MAP1B: variants seen among roughly 807,000 people sequenced by gnomAD.
MAP1B encodes the protein microtubule-associated protein 1B.
In MAP1B, 12 loss-of-function variants were observed where a neutral mutation model predicts 176.1. That is an observed-to-expected ratio of 0.07 (90% CI 0.04 to 0.11). MAP1B has a LOEUF of 0.11. MAP1B is among the 10% of genes least tolerant of loss of function. MAP1B has a pLI of 1.00. For missense variants in MAP1B, 2,523 were observed against 2,990.5 expected, an observed-to-expected ratio of 0.84 and a Z score of 3.65; for synonymous variants, 1,044 against 1,135.0, an observed-to-expected ratio of 0.92 and a Z score of 1.61.
intron 2 of MAP1B, among the ~76,000 whole-genome samples, chr5:72,123,482 TTTTTTTTTTA>T (rs1561291655): frequency 7.0e-6 from 1 of 142,862 alleles, no homozygotes; most frequent in Non-Finnish European, 1.5e-5. Flanking sequence ...GTTTTTTTTG[TTTTTTTTTTA>T]GTTTTTTTTG....
intron 2 of MAP1B, among the ~76,000 whole-genome samples, chr5:72,120,474 G>C (rs1745507645): frequency 6.6e-6 from 1 of 150,622 alleles, no homozygotes; most frequent in East Asian, 2.0e-4. Flanking sequence ...GCCCAGGCTG[G>C]AGTGCAGTGG....
intron 2 of MAP1B, among the ~76,000 whole-genome samples, chr5:72,144,725 T>C (rs1245477736): frequency 6.6e-6 from 1 of 152,224 alleles, no homozygotes; most frequent in Non-Finnish European, 1.5e-5. Context: ...CTGATGCTGC[T>C]GGATAAAGAA....
intron 1 of MAP1B, among the ~76,000 whole-genome samples, chr5:72,108,569 G>C (rs938439672): frequency 3.3e-5 from 5 of 152,204 alleles, no homozygotes; most frequent in Non-Finnish European, 7.3e-5. Flanking sequence ...GCGGTACGCC[G>C]GGGACCCTGG....
chr5:72,182,912 A>C (rs530787833), intron 2 of MAP1B, among the ~76,000 whole-genome samples: 83 of 152,254 alleles, frequency 5.5e-4, no homozygotes, highest in African/African-American at 1.9e-3. Context: ...CCCATTGTCC[A>C]GGGAGGGGGA....
At chr5:72,183,284 T>A (rs991216404) in intron 2 of MAP1B, among the ~76,000 whole-genome samples, 4 of 152,218 alleles carry the variant, frequency 2.6e-5, no homozygotes, top group Non-Finnish European at 5.9e-5. Context: ...GGCTAATTGT[T>A]AGCTGGGGTT....
chr5:72,161,968 A>AAAAAAAAAAG (rs1357325306), intron 2 of MAP1B, among the ~76,000 whole-genome samples: 113 of 150,702 alleles, frequency 7.5e-4, no homozygotes, highest in Non-Finnish European at 1.4e-3. Flanking sequence ...AAAAAAAAAA[A>AAAAAAAAAAG]AAAAAAAAGA....
chr5:72,158,006 A>ATTTTTT (rs33987772), intron 2 of MAP1B, among the ~76,000 whole-genome samples: 1 of 104,320 alleles, frequency 9.6e-6, no homozygotes, highest in Non-Finnish European at 2.0e-5. Flanking sequence ...CACCTGGCTA[A>ATTTTTT]TTTTTTTTTT....
chr5:72,186,799 G>A lies in MAP1B; in HGVS notation c.510+45G>A, dbSNP rs774492289. The A allele has an allele frequency of 1.2e-6, 2 of 1,608,992 alleles. No individual in the cohort carries two copies. Among genetic ancestry groups the A allele is most frequent in the Non-Finnish European group, 1.7e-6 (2 of 1,178,270 alleles). ...TATCTGTGCTTCTAGTGGCTTGGTT[G>A]CCTTAGGTTCCTCTTTGAGAGCACT... On this transcript the variant is annotated intron_variant, in intron 4 of 6. Coordinates refer to ENST00000296755, the MANE Select transcript of MAP1B (RefSeq NM_005909.5). The surrounding 1 kb of genome is among the most constrained non-coding windows in gnomAD (Gnocchi z 4.3).
At chr5:72,173,136 A>G (rs1250387218) in intron 2 of MAP1B, among the ~76,000 whole-genome samples, 6 of 152,234 alleles carry the variant, frequency 3.9e-5, no homozygotes, top group Non-Finnish European at 8.8e-5. Context: ...TAATGTGCAC[A>G]TTACATCAGA....
At position 72,186,652 on chromosome 5, in the gene MAP1B, G is replaced by T. The variant is rs1349380706; in HGVS notation, c.408G>T (p.Leu136=). ...LMITDAARHK[L]LVLTGQCFEN... ...TCACTGATGCTGCCCGACACAAGCTGCTCGTGCTGACCGGGCAGTGCTTTG... is the reference window on the plus strand; with the variant it reads ...TCACTGATGCTGCCCGACACAAGCTTCTCGTGCTGACCGGGCAGTGCTTTG... Residue 136 remains leucine (L), a synonymous_variant, in exon 4 of 7, where the codon CTG becomes CTT. Coordinates refer to ENST00000296755, the MANE Select transcript of MAP1B (RefSeq NM_005909.5). The surrounding 1 kb of genome is among the most constrained non-coding windows in gnomAD (Gnocchi z 4.3). 6.2e-7 allele frequency: 1 copy of T among 1,614,110 alleles called. No homozygotes were observed. The highest frequency in any genetic ancestry group is 8.5e-7 in the Non-Finnish European group (1 of 1,180,060).
chr5:72,149,336 A>G (rs1348855912), intron 2 of MAP1B, among the ~76,000 whole-genome samples: 1 of 152,248 alleles, frequency 6.6e-6, no homozygotes, highest in African/African-American at 2.4e-5. Context: ...TAACTAAATG[A>G]TTTATTCCCT....
rs201233948 is a variant in MAP1B, at chr5:72,116,585, A to G, written c.286+786A>G. On this transcript the variant is annotated intron_variant, in intron 2 of 6. Transcript: ENST00000296755. ...TGACCCATCTCGTCTTCTTCTTGTGAGCAATAACCTATATTCCTCCCATTT... is the reference window on the plus strand; with the variant it reads ...TGACCCATCTCGTCTTCTTCTTGTGGGCAATAACCTATATTCCTCCCATTT... The G allele has an allele frequency of 1.3e-4, 36 of 277,998 alleles. 1 individual carries two copies. In the East Asian group the frequency reaches 3.6e-3, roughly 28 times the overall value. The allele number at this position is 277,998 out of a possible 1,614,324, so 17.2% of individuals were successfully genotyped here. A position where few individuals can be genotyped will look rare whatever the true frequency, so the allele number is the denominator to read the frequency against.
At chr5:72,165,104 G>A (rs958991095) in intron 2 of MAP1B, among the ~76,000 whole-genome samples, 152 of 152,136 alleles carry the variant, frequency 1.0e-3, no homozygotes, top group African/African-American at 3.5e-3. Flanking sequence ...ACAAATAAAA[G>A]GTAATTTTGT....
At chr5:72,158,006 ATT>A (rs33987772) in intron 2 of MAP1B, among the ~76,000 whole-genome samples, 64,599 of 104,144 alleles carry the variant, frequency 0.62, 20,149 homozygotes, top group South Asian at 0.83. Flanking sequence ...CACCTGGCTA[ATT>A]TTTTTTTTTT....
chr5:72,132,998 G>T (rs1465640350), intron 2 of MAP1B, among the ~76,000 whole-genome samples: 2 of 152,078 alleles, frequency 1.3e-5, no homozygotes, highest in Non-Finnish European at 2.9e-5. Flanking sequence ...TTGGGAGCTG[G>T]CAATTTTACC....
At chr5:72,185,248 A>T (rs1746869411) in intron 3 of MAP1B, among the ~76,000 whole-genome samples, 1 of 152,116 alleles carries the variant, frequency 6.6e-6, no homozygotes. Context: ...TTGTGATGTC[A>T]CCTGTCATGA....
chr5:72,141,769 G>GA (rs892752763), intron 2 of MAP1B, among the ~76,000 whole-genome samples: 10 of 151,714 alleles, frequency 6.6e-5, no homozygotes, highest in East Asian at 1.9e-4. Flanking sequence ...TTTAAAAAAA[G>GA]AAAAAAAAGC....
chr5:72,204,928 T>C lies in MAP1B; in HGVS notation c.7252-156T>C, dbSNP rs1257788472. Among the ~76,000 whole-genome samples, 1 of 152,234 alleles carries C rather than the reference T, an allele frequency of 6.6e-6. No homozygotes were observed. Among genetic ancestry groups the C allele is most frequent in the African/African-American group, 2.4e-5 (1 of 41,462 alleles). On this transcript the variant is annotated intron_variant, in intron 6 of 6. Coordinates refer to ENST00000296755, the MANE Select transcript of MAP1B (RefSeq NM_005909.5). This position sits in a 1 kb window ranked among gnomAD's most constrained non-coding sequence, Gnocchi z 4.4. ...GCTTTATTCTGGTTCCTGGAAAATA[T>C]ACATTGAAAAATCCTTTGCATTTCT... is the stretch of plus-strand genomic sequence containing the variant.
intron 1 of MAP1B, among the ~76,000 whole-genome samples, chr5:72,111,171 C>T (rs562293238): frequency 6.6e-6 from 1 of 152,230 alleles, no homozygotes; most frequent in South Asian, 2.1e-4. Flanking sequence ...CAAAACCCTG[C>T]TTCTTGGTTT....
Sources: allele counts gnomAD v4.1 joint callset (sites outside exome capture counted in the v4.1 genomes callset), GRCh38; gene constraint gnomAD v4.1.1; non-coding constraint Gnocchi (gnomAD v3.1); transcripts MANE v1.5; gene names NCBI Gene and HGNC (gene_info 2026-07-23, HGNC 2026-07-21).